Variants in IMMP2L observed in about 807,000 individuals in gnomAD.
IMMP2L encodes inner mitochondrial membrane peptidase subunit 2, also known as mitochondrial inner membrane protease subunit 2.
In IMMP2L, 18 loss-of-function variants were observed where a neutral mutation model predicts 19.3. That is an observed-to-expected ratio of 0.93 (90% CI 0.64 to 1.38). The LOEUF (loss-of-function observed/expected upper bound fraction) is 1.38. Ranked by LOEUF, IMMP2L falls within the 40% of genes most tolerant of loss-of-function variation. The probability of loss-of-function intolerance (pLI) is 0.00; values close to 1 mark genes in which losing one functional copy is unlikely to be tolerated. For missense variants in IMMP2L, 233 were observed against 218.2 expected, an observed-to-expected ratio of 1.07 and a Z score of -0.43; for synonymous variants, 76 against 73.0, an observed-to-expected ratio of 1.04 and a Z score of -0.21.
At chr7:110,866,343 A>G (rs1807978254) in intron 5 of IMMP2L, among the ~76,000 whole-genome samples, 1 of 151,882 alleles carries the variant, frequency 6.6e-6, no homozygotes, top group African/African-American at 2.4e-5. Context: ...GAGTTTTAAA[A>G]CAGCACAAAG....
chr7:111,375,743 T>C (rs577636285), intron 3 of IMMP2L, among the ~76,000 whole-genome samples: 1 of 152,160 alleles, frequency 6.6e-6, no homozygotes, highest in South Asian at 2.1e-4. Flanking sequence ...AGGCTCATCT[T>C]GAACTCTTCA....
chr7:111,164,097 G>A (rs531364067), intron 3 of IMMP2L, among the ~76,000 whole-genome samples: 27 of 148,584 alleles, frequency 1.8e-4, no homozygotes, highest in African/African-American at 6.4e-4. Context: ...GAAAGTAGGA[G>A]AGGGGGAGGG....
intron 2 of IMMP2L, among the ~76,000 whole-genome samples, chr7:111,497,845 A>G (rs939311248): frequency 6.6e-6 from 1 of 151,846 alleles, no homozygotes; most frequent in Non-Finnish European, 1.5e-5. Context: ...TATAAAGTCA[A>G]TACTGTAATG....
At position 110,870,281 on chromosome 7, in the gene IMMP2L, C is replaced by T. The variant is rs1320966664; in HGVS notation, c.408+16312G>A. Among the ~76,000 whole-genome samples the T allele has an allele frequency of 6.6e-6, 1 of 152,086 alleles. No homozygotes were observed. The highest frequency in any genetic ancestry group is 2.4e-5 in the African/African-American group (1 of 41,444). On this transcript the variant is annotated intron_variant, in intron 5 of 5. Transcript: ENST00000405709. This position sits in a 1 kb window ranked among gnomAD's most constrained non-coding sequence, Gnocchi z 4.2. ...TTTTCCAAAGATGTCAGATGTCCTT[C>T]TTGTATACTTTCCACTGACTTCTTA... is the stretch of plus-strand genomic sequence containing the variant.
chr7:110,858,542 A>G (rs1367208421), intron 5 of IMMP2L, among the ~76,000 whole-genome samples: 1 of 152,118 alleles, frequency 6.6e-6, no homozygotes, highest in Non-Finnish European at 1.5e-5. Context: ...CAGAACCTAT[A>G]GCATTAGCTG....
intron 5 of IMMP2L, among the ~76,000 whole-genome samples, chr7:110,726,557 T>G (rs1384412589): frequency 6.6e-6 from 1 of 152,158 alleles, no homozygotes; most frequent in Non-Finnish European, 1.5e-5. Context: ...TACATCAAAG[T>G]CCTAGTATCT....
intron 3 of IMMP2L, among the ~76,000 whole-genome samples, chr7:110,974,938 T>C (rs1428166133): frequency 6.6e-6 from 1 of 152,208 alleles, no homozygotes; most frequent in African/African-American, 2.4e-5. Context: ...ACAATTATAA[T>C]TCCTTAAGTC....
chr7:111,490,043 G>A (rs984215705), intron 2 of IMMP2L, among the ~76,000 whole-genome samples: 1 of 149,600 alleles, frequency 6.7e-6, no homozygotes, highest in African/African-American at 2.5e-5. Flanking sequence ...TGATCCGCCC[G>A]CCTCAGCCTC....
chr7:111,524,905 T>A (rs902165006), intron 1 of IMMP2L, among the ~76,000 whole-genome samples: 1 of 152,132 alleles, frequency 6.6e-6, no homozygotes, highest in Non-Finnish European at 1.5e-5. Flanking sequence ...CATCCACTCA[T>A]CTACCCAGTC....
chr7:111,548,293 A>G (rs950827808), intron 1 of IMMP2L, among the ~76,000 whole-genome samples: 1 of 152,164 alleles, frequency 6.6e-6, no homozygotes, highest in Non-Finnish European at 1.5e-5. Context: ...GAATGCTTTT[A>G]AAATTTTCTT....
intron 4 of IMMP2L, among the ~76,000 whole-genome samples, chr7:110,939,483 G>T (rs191468189): frequency 8.7e-4 from 132 of 151,458 alleles, no homozygotes; most frequent in South Asian, 3.5e-3. Flanking sequence ...GCTGTGGCAC[G>T]AAGTCTGTTC....
At chr7:111,047,901 C>A (rs187466816) in intron 3 of IMMP2L, among the ~76,000 whole-genome samples, 1 of 152,220 alleles carries the variant, frequency 6.6e-6, no homozygotes, top group Admixed American at 6.5e-5. Context: ...TTTTTAAATG[C>A]CTGCCATCCC....
intron 3 of IMMP2L, among the ~76,000 whole-genome samples, chr7:111,040,391 T>C (rs1000685033): frequency 3.3e-5 from 5 of 152,172 alleles, no homozygotes; most frequent in Admixed American, 6.5e-5. Flanking sequence ...GAAAACTTTA[T>C]TCAAACAACT....
intron 5 of IMMP2L, among the ~76,000 whole-genome samples, chr7:110,831,839 A>C (rs1419242227): frequency 2.0e-5 from 3 of 152,188 alleles, no homozygotes; most frequent in Non-Finnish European, 1.5e-5. Flanking sequence ...GGTGAAGTCT[A>C]AAGTGTTTAG....
chr7:111,469,728 A>G (rs568250912), intron 3 of IMMP2L, among the ~76,000 whole-genome samples: 1 of 152,310 alleles, frequency 6.6e-6, no homozygotes, highest in Non-Finnish European at 1.5e-5. Flanking sequence ...TTAATTCAAC[A>G]TGGATTAAAG....
At chr7:111,528,059 G>A (rs1340759422) in intron 1 of IMMP2L, among the ~76,000 whole-genome samples, 1 of 152,040 alleles carries the variant, frequency 6.6e-6, no homozygotes, top group Non-Finnish European at 1.5e-5. Context: ...TACTAAAGAA[G>A]CCATTCATAC....
chr7:110,788,588 T>C (rs1800245011), intron 5 of IMMP2L, among the ~76,000 whole-genome samples: 1 of 151,734 alleles, frequency 6.6e-6, no homozygotes. Context: ...TCCAAATACA[T>C]CTGTAGCATA....
At chr7:110,741,848 G>A (rs1192402885) in intron 5 of IMMP2L, among the ~76,000 whole-genome samples, 2 of 151,964 alleles carry the variant, frequency 1.3e-5, no homozygotes, top group Non-Finnish European at 2.9e-5. Context: ...CAATCTCAGG[G>A]GATTGTAATG....
At chr7:110,925,829 C>A (rs1814789120) in intron 4 of IMMP2L, among the ~76,000 whole-genome samples, 1 of 151,734 alleles carries the variant, frequency 6.6e-6, no homozygotes, top group Non-Finnish European at 1.5e-5. Flanking sequence ...GAAGAGAATA[C>A]AAAGAAGGCA....
Sources: allele counts gnomAD v4.1 joint callset (sites outside exome capture counted in the v4.1 genomes callset), GRCh38; gene constraint gnomAD v4.1.1; non-coding constraint Gnocchi (gnomAD v3.1); transcripts MANE v1.5; gene names NCBI Gene and HGNC (gene_info 2026-07-23, HGNC 2026-07-21).